Variants in SLCO1B1 observed in about 807,000 individuals in gnomAD.
SLCO1B1 encodes solute carrier organic anion transporter family member 1B1, also known as OATP-2.
Under a neutral mutation model 70.1 loss-of-function variants are expected in SLCO1B1, and 81 were observed. That is an observed-to-expected ratio of 1.16 (90% CI 0.97 to 1.39). SLCO1B1 has a LOEUF of 1.39. SLCO1B1 is among the 40% of genes most tolerant of loss of function. The pLI is 0.00. For synonymous variants in SLCO1B1, 283 were observed against 271.5 expected, an observed-to-expected ratio of 1.04 and a Z score of -0.42; for missense variants, 895 against 799.6, an observed-to-expected ratio of 1.12 and a Z score of -1.44.
intron 8 of SLCO1B1, 26 bp downstream of exon 8, chr12:21,197,214 T>C: frequency 6.2e-7 from 1 of 1,610,538 alleles, no homozygotes; most frequent in Admixed American, 1.7e-5. Context: ...TCATTGTCAA[T>C]TTGGAGTTGT....
chr12:21,208,934 C>T (rs11045863), intron 11 of SLCO1B1, among the ~76,000 whole-genome samples: 20,437 of 151,702 alleles, frequency 0.13, 1,700 homozygotes, highest in Non-Finnish European at 0.18. Flanking sequence ...TAACTGTTAT[C>T]GGTGTATAGA....
intron 14 of SLCO1B1, among the ~76,000 whole-genome samples, chr12:21,226,350 G>A (rs944109140): frequency 6.6e-6 from 1 of 151,872 alleles, no homozygotes; most frequent in African/African-American, 2.4e-5. Flanking sequence ...GGAGGCGGAG[G>A]TTGCAGTAAG....
chr12:21,136,150 A>G (rs1940218194), intron 1 of SLCO1B1, among the ~76,000 whole-genome samples: 2 of 152,178 alleles, frequency 1.3e-5, no homozygotes, highest in Admixed American at 1.3e-4. Context: ...AGAATGTTGA[A>G]TATTGGTCCC....
intron 11 of SLCO1B1, among the ~76,000 whole-genome samples, chr12:21,209,284 C>A (rs945382536): frequency 6.6e-6 from 1 of 151,842 alleles, no homozygotes; most frequent in East Asian, 1.9e-4. Flanking sequence ...GTTCAATTCC[C>A]ACCTATGAGT....
chr12:21,222,260 T>A, intron 12 of SLCO1B1, 40 bp from the exon 13 acceptor site: 1 of 1,031,836 alleles, frequency 9.7e-7, no homozygotes, highest in Non-Finnish European at 1.4e-6. Flanking sequence ...TTTGATATTT[T>A]AATGATATTT....
intron 7 of SLCO1B1, among the ~76,000 whole-genome samples, chr12:21,195,327 T>A (rs980795239): frequency 2.0e-5 from 3 of 152,214 alleles, no homozygotes; most frequent in Non-Finnish European, 4.4e-5. Flanking sequence ...AGCCCGTCAC[T>A]TGGTCAACTC....
chr12:21,195,376 T>C (rs539126858), intron 7 of SLCO1B1, among the ~76,000 whole-genome samples: 257 of 152,326 alleles, frequency 1.7e-3, no homozygotes, highest in African/African-American at 5.9e-3. Context: ...ATCCAATTTT[T>C]TCCTTCCCAA....
chr12:21,207,562 G>C (rs992034056), intron 11 of SLCO1B1, among the ~76,000 whole-genome samples: 1 of 151,906 alleles, frequency 6.6e-6, no homozygotes, highest in South Asian at 2.1e-4. Flanking sequence ...GGTTGAGACC[G>C]TGTCTTTGCT....
chr12:21,171,356 A>G (rs1248525324), intron 2 of SLCO1B1, among the ~76,000 whole-genome samples: 1 of 152,228 alleles, frequency 6.6e-6, no homozygotes, highest in African/African-American at 2.4e-5. Context: ...GTATAAGATT[A>G]GAAAGATAAA....
intron 11 of SLCO1B1, among the ~76,000 whole-genome samples, chr12:21,209,805 G>C (rs1476536426): frequency 1.3e-5 from 2 of 151,568 alleles, no homozygotes; most frequent in African/African-American, 4.8e-5. Flanking sequence ...TTCTCTGATG[G>C]CCAGTGATGA....
intron 1 of SLCO1B1, among the ~76,000 whole-genome samples, chr12:21,136,609 C>G (rs140975991): frequency 6.6e-6 from 1 of 152,202 alleles, no homozygotes; most frequent in Admixed American, 6.5e-5. Flanking sequence ...AACCTTTCTT[C>G]CAGTTGATCC....
chr12:21,168,492 A>G (rs1004855054), intron 2 of SLCO1B1, among the ~76,000 whole-genome samples: 5 of 152,154 alleles, frequency 3.3e-5, no homozygotes, highest in African/African-American at 9.7e-5. Context: ...TTTTCATGAA[A>G]GCTGAACCAT....
At chr12:21,174,102 A>G (rs544989093) in intron 3 of SLCO1B1, among the ~76,000 whole-genome samples, 1 of 151,874 alleles carries the variant, frequency 6.6e-6, no homozygotes, top group Non-Finnish European at 1.5e-5. Context: ...GTTTAATAGC[A>G]CCTCTGTCCA....
At chr12:21,214,391 G>C (rs796847650) in intron 11 of SLCO1B1, among the ~76,000 whole-genome samples, 2 of 149,662 alleles carry the variant, frequency 1.3e-5, no homozygotes, top group South Asian at 2.1e-4. Flanking sequence ...AGGGGTCAGG[G>C]ACCCACTTGA....
chr12:21,217,350 C>T lies in SLCO1B1; in HGVS notation c.1682+47C>T, dbSNP rs1383143339. 2.2e-6 allele frequency: 3 copies of T among 1,388,172 alleles called. No individual in the cohort carries two copies. In the South Asian group the frequency reaches 3.5e-5, roughly 16 times the overall value. 86.0% of individuals were successfully genotyped at this position (1,388,172 alleles called of 1,614,324 possible). On this transcript the variant is annotated intron_variant, in intron 12 of 14. Transcript: ENST00000256958. ...ATTTTCATATGCATGAGACTATAAA[C>T]ACACCTAATGATATGCATATTTTTA...
intron 1 of SLCO1B1, among the ~76,000 whole-genome samples, chr12:21,131,546 CT>C (rs1279336771): frequency 6.6e-5 from 10 of 151,860 alleles, no homozygotes; most frequent in African/African-American, 2.4e-4. Context: ...CTCTAGTTAC[CT>C]TCTTAAAATA....
intron 7 of SLCO1B1, among the ~76,000 whole-genome samples, chr12:21,193,994 T>C (rs540349153): frequency 6.6e-6 from 1 of 152,312 alleles, no homozygotes; most frequent in Non-Finnish European, 1.5e-5. Flanking sequence ...GGTTTCACCG[T>C]GTTAGCCAGG....
intron 12 of SLCO1B1, among the ~76,000 whole-genome samples, chr12:21,219,182 GATAA>G (rs1325517550): frequency 6.6e-6 from 1 of 152,034 alleles, no homozygotes; most frequent in African/African-American, 2.4e-5. Context: ...GCACTAGAAA[GATAA>G]ATAAATCACA....
chr12:21,148,173 A>G (rs1040058735), intron 2 of SLCO1B1, among the ~76,000 whole-genome samples: 2 of 152,096 alleles, frequency 1.3e-5, no homozygotes, highest in Non-Finnish European at 1.5e-5. Flanking sequence ...GTTCACTCTG[A>G]TGATAGTTTC....
Sources: allele counts gnomAD v4.1 joint callset (sites outside exome capture counted in the v4.1 genomes callset), GRCh38; gene constraint gnomAD v4.1.1; transcripts MANE v1.5; gene names NCBI Gene and HGNC (gene_info 2026-07-23, HGNC 2026-07-21).